The following TBC1D32 variants were observed in gnomAD, a reference collection of about 807,000 sequenced individuals.
The protein encoded by TBC1D32 is TBC1 domain family member 32.
Under a neutral mutation model 170.3 loss-of-function variants are expected in TBC1D32, and 151 were observed. The ratio of observed to expected loss-of-function variants is 0.89; its 90% CI spans 0.78 to 1.01. TBC1D32 has a LOEUF of 1.01. Ranked by LOEUF, TBC1D32 falls within the 50% of genes least tolerant of loss-of-function variation. TBC1D32 has a pLI of 0.00. For missense variants in TBC1D32, 1,464 were observed against 1,457.1 expected (o/e 1.00, Z -0.08); for synonymous variants, 498 against 488.0 (o/e 1.02, Z -0.27).
intron 20 of TBC1D32, 50 bp from the exon 21 acceptor site, chr6:121,223,402 A>T (rs1475384915): frequency 8.2e-7 from 1 of 1,213,110 alleles, no homozygotes; most frequent in African/African-American, 1.5e-5. Flanking sequence ...TGTCAACCAC[A>T]TCCATGGAGA....
At chr6:121,299,073 T>C (rs558086582) in intron 10 of TBC1D32, among the ~76,000 whole-genome samples, 54 of 152,224 alleles carry the variant, frequency 3.5e-4, no homozygotes, top group African/African-American at 1.3e-3. Context: ...TTTGAGTTTT[T>C]CCATGTAATT....
intron 15 of TBC1D32, among the ~76,000 whole-genome samples, chr6:121,278,852 T>C (rs529422281): frequency 6.6e-6 from 1 of 152,070 alleles, no homozygotes; most frequent in South Asian, 2.1e-4. Context: ...GCTAGCTTCT[T>C]TGCACAACTT....
intron 24 of TBC1D32, among the ~76,000 whole-genome samples, chr6:121,149,950 T>C (rs967016086): frequency 2.6e-5 from 4 of 152,184 alleles, no homozygotes; most frequent in Non-Finnish European, 5.9e-5. Context: ...TGGTTTGTAG[T>C]TCTCTTTGAA....
rs183041250 is a variant in TBC1D32, at chr6:121,241,340, C to T, written c.2245+125G>A. 4 of 775,426 alleles carry T rather than the reference C, an allele frequency of 5.2e-6. No homozygotes were observed. The African/African-American group carries it at 5.3e-5, about 10-fold the overall frequency. The allele number at this position is 775,426 out of a possible 1,614,324, so 48.0% of individuals were successfully genotyped here. On this transcript the variant is annotated intron_variant, in intron 19 of 31. Transcript: ENST00000398212. ...CCTGTAACTTTCTTTTACATAAGGT[C>T]TAACTTAGTAAAAAGAATTTTAGAG...
At position 121,205,114 on chromosome 6, in the gene TBC1D32, G is replaced by A. The variant is rs1054284681; in HGVS notation, c.2531C>T (p.Ser844Phe). 5 of 1,535,702 alleles carry A rather than the reference G, an allele frequency of 3.3e-6. No individual in the cohort carries two copies. Among genetic ancestry groups the A allele is most frequent in the Non-Finnish European group, 4.4e-6 (5 of 1,132,772 alleles). ...IILNSEAKIR[S>F]LFNYEQSHIF... Reference sequence around the variant, plus strand: ...ATGTGATTGTTCATAGTTGAATAAAGAACGAATCTTAGCTTCAGAATTCAA... The same window carrying A: ...ATGTGATTGTTCATAGTTGAATAAAAAACGAATCTTAGCTTCAGAATTCAA... The change falls in exon 22 of 32, where the codon TCT becomes TTT. Residue 844 changes from serine (S) to phenylalanine (F), a missense_variant. By Grantham distance (155) the Ser-to-Phe change is radical (BLOSUM62 -2). This residue lies in a region of TBC1D32 where 1,363 missense variants were observed against 1,338.1 expected (regional missense o/e 1.02). Transcript: ENST00000398212.
intron 1 of TBC1D32, among the ~76,000 whole-genome samples, chr6:121,333,838 G>A (rs1469351900): frequency 6.6e-6 from 1 of 151,948 alleles, no homozygotes; most frequent in East Asian, 1.9e-4. Flanking sequence ...AGGCCGAGAC[G>A]GGCGGATCAC....
intron 15 of TBC1D32, among the ~76,000 whole-genome samples, chr6:121,259,225 G>A (rs1241369333): frequency 1.3e-5 from 2 of 151,978 alleles, no homozygotes; most frequent in Non-Finnish European, 2.9e-5. Context: ...TTGAACCCAG[G>A]AGGTGGAGGT....
At chr6:121,193,369 G>A (rs757625477) in intron 22 of TBC1D32, among the ~76,000 whole-genome samples, 2 of 152,162 alleles carry the variant, frequency 1.3e-5, no homozygotes, top group African/African-American at 4.8e-5. Flanking sequence ...ATGGTGGAGT[G>A]GATTAGTAAC....
intron 22 of TBC1D32, among the ~76,000 whole-genome samples, chr6:121,161,774 A>G (rs1204020749): frequency 6.6e-6 from 1 of 152,170 alleles, no homozygotes; most frequent in East Asian, 1.9e-4. Context: ...GTCTTCCACA[A>G]CGGTTGAACT....
intron 23 of TBC1D32, among the ~76,000 whole-genome samples, chr6:121,160,452 C>A (rs1659763841): frequency 6.8e-6 from 1 of 147,532 alleles, no homozygotes; most frequent in Non-Finnish European, 1.5e-5. Context: ...TTTTCTCGTG[C>A]TGTCAGTCAT....
At chr6:121,162,591 C>G (rs932365745) in intron 22 of TBC1D32, among the ~76,000 whole-genome samples, 2 of 152,078 alleles carry the variant, frequency 1.3e-5, no homozygotes, top group African/African-American at 4.8e-5. Context: ...TGCATTCAAA[C>G]AGAAAGAGAG....
intron 20 of TBC1D32, among the ~76,000 whole-genome samples, chr6:121,230,372 T>A (rs1411676399): frequency 3.9e-5 from 6 of 152,122 alleles, no homozygotes; most frequent in Non-Finnish European, 8.8e-5. Flanking sequence ...TTATAAATTA[T>A]CACAGTTTGA....
intron 22 of TBC1D32, among the ~76,000 whole-genome samples, chr6:121,203,336 G>A (rs980330802): frequency 9.9e-5 from 15 of 151,250 alleles, no homozygotes; most frequent in Non-Finnish European, 2.2e-4. Flanking sequence ...TTGTTAAAAA[G>A]CCAATAAGGT....
intron 31 of TBC1D32, among the ~76,000 whole-genome samples, chr6:121,088,860 C>A (rs1246525553): frequency 6.6e-6 from 1 of 152,132 alleles, no homozygotes; most frequent in East Asian, 1.9e-4. Flanking sequence ...TCATAATCTC[C>A]TCTCCCCATT....
At chr6:121,323,717 G>A (rs563201443) in intron 1 of TBC1D32, among the ~76,000 whole-genome samples, 7 of 152,282 alleles carry the variant, frequency 4.6e-5, no homozygotes, top group South Asian at 2.1e-4. Context: ...CAACGTGGGC[G>A]GATCACAAGG....
intron 21 of TBC1D32, among the ~76,000 whole-genome samples, chr6:121,205,659 G>T (rs1311165992): frequency 2.0e-5 from 3 of 152,092 alleles, no homozygotes; most frequent in Non-Finnish European, 4.4e-5. Context: ...TCCAACCCTG[G>T]TTGAACATTA....
intron 20 of TBC1D32, among the ~76,000 whole-genome samples, chr6:121,237,598 G>A (rs1350349753): frequency 1.3e-5 from 2 of 151,700 alleles, no homozygotes; most frequent in Non-Finnish European, 1.5e-5. Flanking sequence ...CTATTGATCT[G>A]ATTCAAGTTC....
intron 22 of TBC1D32, among the ~76,000 whole-genome samples, chr6:121,162,191 A>G (rs556285846): frequency 7.2e-5 from 11 of 152,284 alleles, no homozygotes; most frequent in African/African-American, 2.6e-4. Context: ...GAAGCTTTTT[A>G]GTCTAATTAG....
intron 31 of TBC1D32, among the ~76,000 whole-genome samples, chr6:121,087,216 A>G (rs1044517776): frequency 6.6e-6 from 1 of 152,212 alleles, no homozygotes; most frequent in African/African-American, 2.4e-5. Context: ...GCGTTCATCT[A>G]ATCTTTCAGT....
Sources: allele counts gnomAD v4.1 joint callset (sites outside exome capture counted in the v4.1 genomes callset), GRCh38; gene constraint gnomAD v4.1.1; regional missense constraint gnomAD v4.1.1; transcripts MANE v1.5; gene names NCBI Gene and HGNC (gene_info 2026-07-23, HGNC 2026-07-21).